Variants in SMYD3 observed in about 807,000 individuals in gnomAD.
The protein encoded by SMYD3 is SET and MYND domain containing 3, also known as histone-lysine N-methyltransferase SMYD3.
SMYD3 carries 36 observed loss-of-function variants against 57.7 expected under a neutral mutation model. That is an observed-to-expected ratio of 0.62 (90% CI 0.48 to 0.82). SMYD3 has a LOEUF of 0.82. SMYD3 is among the 40% of genes least tolerant of loss of function. The pLI, the probability that SMYD3 is intolerant of heterozygous loss-of-function variation, is 0.00. For missense variants in SMYD3, 515 were observed against 538.8 expected, an observed-to-expected ratio of 0.96 and a Z score of 0.44; for synonymous variants, 211 against 195.0, an observed-to-expected ratio of 1.08 and a Z score of -0.68.
At chr1:245,813,984 C>T (rs959328023) in intron 10 of SMYD3, among the ~76,000 whole-genome samples, 5 of 151,384 alleles carry the variant, frequency 3.3e-5, no homozygotes, top group Admixed American at 1.3e-4. Context: ...TTCATTGTTT[C>T]ACCTTTTCCG....
rs147695788 is a variant in SMYD3, at chr1:246,311,989, G to T, written c.531+15212C>A. On this transcript the variant is annotated intron_variant, in intron 5 of 11. Coordinates refer to ENST00000490107, the MANE Select transcript of SMYD3 (RefSeq NM_001167740.2). ...TGACAATGCAACGTGAAGGAATGGA[G>T]GCATAAAGGCAATGCAACAATGGGA... is the stretch of plus-strand genomic sequence containing the variant. Among the ~76,000 whole-genome samples the T allele has an allele frequency of 3.4e-3, 523 of 152,198 alleles. 1 individual carries two copies. The highest frequency in any genetic ancestry group is 0.011 in the African/African-American group (455 of 41,520).
chr1:246,156,067 T>C (rs1331739953), intron 5 of SMYD3, among the ~76,000 whole-genome samples: 1 of 152,124 alleles, frequency 6.6e-6, no homozygotes, highest in Non-Finnish European at 1.5e-5. Context: ...TTTTTTTTTT[T>C]CAATTAATGT....
intron 10 of SMYD3, among the ~76,000 whole-genome samples, chr1:245,838,449 A>ACCT (rs1293088454): frequency 1.3e-5 from 2 of 151,530 alleles, no homozygotes; most frequent in Admixed American, 6.6e-5. Flanking sequence ...ATGTTCTCCC[A>ACCT]CCTCCTAGAT....
chr1:246,437,251 T>C (rs1349048423), intron 1 of SMYD3, among the ~76,000 whole-genome samples: 6 of 152,162 alleles, frequency 3.9e-5, no homozygotes, highest in Non-Finnish European at 7.3e-5. Context: ...CTCACCTGTC[T>C]TTTTGGGAGC....
intron 5 of SMYD3, among the ~76,000 whole-genome samples, chr1:246,069,010 T>G (rs1387816220): frequency 6.6e-6 from 1 of 152,230 alleles, no homozygotes. Context: ...GATATGTCTG[T>G]GCAGAAAACA....
At chr1:245,813,069 C>T (rs2048580510) in intron 10 of SMYD3, among the ~76,000 whole-genome samples, 1 of 133,528 alleles carries the variant, frequency 7.5e-6, no homozygotes, top group South Asian at 2.4e-4. Context: ...GGCTGGAGTG[C>T]AGTGGCGCGA....
chr1:246,481,621 T>TATATAAATAC (rs1307881494), intron 1 of SMYD3, among the ~76,000 whole-genome samples: 1 of 98,552 alleles, frequency 1.0e-5, no homozygotes, highest in Non-Finnish European at 2.1e-5. Flanking sequence ...CATACATATA[T>TATATAAATAC]ACATACATAC....
intron 5 of SMYD3, among the ~76,000 whole-genome samples, chr1:246,227,248 G>A (rs1189517454): frequency 2.0e-5 from 3 of 152,180 alleles, no homozygotes; most frequent in African/African-American, 7.2e-5. Flanking sequence ...GTTTTGGGAA[G>A]TGCTGGCTTT....
chr1:245,907,233 A>C (rs1481112703), intron 8 of SMYD3, among the ~76,000 whole-genome samples: 1 of 152,182 alleles, frequency 6.6e-6, no homozygotes, highest in Admixed American at 6.5e-5. Context: ...ATCGTTTGTA[A>C]CTCAAAGGAT....
At chr1:246,335,792 A>G (rs75858155) in intron 2 of SMYD3, among the ~76,000 whole-genome samples, 3,619 of 152,264 alleles carry the variant, frequency 0.024, 138 homozygotes, top group African/African-American at 0.082. Context: ...TGGTCTTGGA[A>G]CTGATTAAAC....
At chr1:246,468,024 G>C (rs968156251) in intron 1 of SMYD3, among the ~76,000 whole-genome samples, 3 of 151,936 alleles carry the variant, frequency 2.0e-5, no homozygotes, top group Non-Finnish European at 4.4e-5. Flanking sequence ...AGGCGGGCGT[G>C]GTGGCACATG....
intron 1 of SMYD3, among the ~76,000 whole-genome samples, chr1:246,420,085 G>A (rs569720748): frequency 1.3e-4 from 20 of 152,136 alleles, no homozygotes; most frequent in African/African-American, 4.8e-4. Flanking sequence ...TGTAGTCCCA[G>A]CTACTCGGGA....
intron 5 of SMYD3, chr1:246,186,751 C>T: frequency 1.0e-6 from 1 of 985,332 alleles, no homozygotes; most frequent in Non-Finnish European, 1.2e-6. Flanking sequence ...ACAATAATCC[C>T]ACCAGGGCAA....
At chr1:246,249,449 A>C (rs970582092) in intron 5 of SMYD3, among the ~76,000 whole-genome samples, 1 of 152,206 alleles carries the variant, frequency 6.6e-6, no homozygotes, top group African/African-American at 2.4e-5. Context: ...CAACACAAAT[A>C]TGGAAACTAT....
At chr1:246,278,044 GGAAGGGAGTACAA>G (rs2064368522) in intron 5 of SMYD3, among the ~76,000 whole-genome samples, 1 of 152,170 alleles carries the variant, frequency 6.6e-6, no homozygotes, top group Non-Finnish European at 1.5e-5. Context: ...ACAGAAATGA[GGAAGGGAGTACAA>G]CTGCAAACAG....
At chr1:246,489,363 TAAAAG>T (rs1241352946) in intron 1 of SMYD3, among the ~76,000 whole-genome samples, 1 of 151,914 alleles carries the variant, frequency 6.6e-6, no homozygotes, top group Non-Finnish European at 1.5e-5. Flanking sequence ...AAAAAAATAA[TAAAAG>T]AAAAAGAAGC....
At chr1:245,773,026 T>C (rs1429691832) in intron 10 of SMYD3, among the ~76,000 whole-genome samples, 1 of 149,978 alleles carries the variant, frequency 6.7e-6, no homozygotes, top group African/African-American at 2.5e-5. Context: ...GTATGGTAAT[T>C]AGTGGAATGC....
intron 5 of SMYD3, among the ~76,000 whole-genome samples, chr1:246,288,339 C>A (rs1455292343): frequency 6.6e-6 from 1 of 151,998 alleles, no homozygotes; most frequent in Non-Finnish European, 1.5e-5. Flanking sequence ...GGATTTAGAA[C>A]CGTAGCTCCA....
At chr1:246,116,023 CA>C (rs2061336218) in intron 5 of SMYD3, among the ~76,000 whole-genome samples, 1 of 152,040 alleles carries the variant, frequency 6.6e-6, no homozygotes, top group South Asian at 2.1e-4. Context: ...CCTGTAATCC[CA>C]AGCTACTTGG....
Sources: allele counts gnomAD v4.1 joint callset (sites outside exome capture counted in the v4.1 genomes callset), GRCh38; gene constraint gnomAD v4.1.1; transcripts MANE v1.5; gene names NCBI Gene and HGNC (gene_info 2026-07-23, HGNC 2026-07-21).